WDR7: variants seen among roughly 807,000 people sequenced by gnomAD.
WDR7 encodes WD repeat domain 7.
A neutral mutation model predicts 169.4 loss-of-function variants in WDR7; 46 were observed. The observed-to-expected ratio is 0.27, with a 90% CI of 0.21 to 0.35. WDR7 has a LOEUF of 0.35. Ranked by LOEUF, WDR7 falls within the 10% of genes least tolerant of loss-of-function variation. The pLI, the probability that WDR7 is intolerant of heterozygous loss-of-function variation, is 1.00. For synonymous variants in WDR7, 612 were observed against 666.8 expected, an observed-to-expected ratio of 0.92 and a Z score of 1.27; for missense variants, 1,534 against 1,859.3, an observed-to-expected ratio of 0.83 and a Z score of 3.22.
chr18:56,760,226 T>C (rs1352269366), intron 16 of WDR7, among the ~76,000 whole-genome samples: 1 of 152,194 alleles, frequency 6.6e-6, no homozygotes, highest in African/African-American at 2.4e-5. Context: ...CTTGTAACTA[T>C]GTCCTTGGCA....
intron 26 of WDR7, among the ~76,000 whole-genome samples, chr18:57,005,188 TA>T (rs1019108542): frequency 6.6e-6 from 1 of 152,186 alleles, no homozygotes; most frequent in African/African-American, 2.4e-5. Context: ...TATCATATTA[TA>T]AAAAACTGTT....
rs535666961 is a variant in WDR7, at chr18:56,881,035, T to G, written c.3526+870T>G. On this transcript the variant is annotated intron_variant, in intron 21 of 27. Coordinates refer to ENST00000254442, the MANE Select transcript of WDR7 (RefSeq NM_015285.3). ...ATAGATCCTTTTGCTTTTTTGGCCTTTAAGCAAGAGAAAAAGATGCATGTT... is the reference window on the plus strand; with the variant it reads ...ATAGATCCTTTTGCTTTTTTGGCCTGTAAGCAAGAGAAAAAGATGCATGTT... Among the ~76,000 whole-genome samples, 9 of 152,322 alleles carry G rather than the reference T, an allele frequency of 5.9e-5. No homozygotes were observed. The South Asian group carries it at 1.9e-3, about 32-fold the overall frequency.
intron 5 of WDR7, among the ~76,000 whole-genome samples, chr18:56,683,643 G>A (rs544333514): frequency 1.1e-4 from 16 of 152,288 alleles, no homozygotes; most frequent in Admixed American, 3.3e-4. Flanking sequence ...ACAATACTTA[G>A]TGGGGTAGGT....
chr18:56,817,495 A>T lies in WDR7; in HGVS notation c.3304+1351A>T, dbSNP rs147492904. Among the ~76,000 whole-genome samples, 687 of 152,250 alleles carry T rather than the reference A, an allele frequency of 4.5e-3. 12 individuals are homozygous for T. The highest frequency in any genetic ancestry group is 0.016 in the African/African-American group (657 of 41,560). On this transcript the variant is annotated intron_variant, in intron 20 of 27. Transcript: ENST00000254442. ...AATTTACAAAGTGTATATTTAAAAT[A>T]CCTATAGCCTTGTGCCACTGCTGCC...
chr18:56,734,964 G>A (rs2026667993), intron 14 of WDR7, among the ~76,000 whole-genome samples: 1 of 152,154 alleles, frequency 6.6e-6, no homozygotes, highest in Admixed American at 6.6e-5. Context: ...GTGTCAATTA[G>A]AATTGTGTCA....
intron 14 of WDR7, among the ~76,000 whole-genome samples, chr18:56,732,028 G>T (rs1169566349): frequency 6.6e-6 from 1 of 152,182 alleles, no homozygotes; most frequent in Admixed American, 6.5e-5. Context: ...AAGGTTAAGC[G>T]ATTGTAAAGA....
At chr18:56,875,052 A>AT (rs879748614) in intron 20 of WDR7, among the ~76,000 whole-genome samples, 5 of 152,112 alleles carry the variant, frequency 3.3e-5, no homozygotes, top group African/African-American at 4.8e-5. Context: ...CAACATCCAG[A>AT]TTTTTTTGTG....
At chr18:56,655,834 C>G (rs1278106227) in intron 1 of WDR7, among the ~76,000 whole-genome samples, 1 of 152,040 alleles carries the variant, frequency 6.6e-6, no homozygotes, top group Non-Finnish European at 1.5e-5. Flanking sequence ...GAGATTCATC[C>G]AAATTGTTGA....
intron 20 of WDR7, among the ~76,000 whole-genome samples, chr18:56,860,169 G>T (rs1321111970): frequency 6.6e-6 from 1 of 152,060 alleles, no homozygotes; most frequent in African/African-American, 2.4e-5. Context: ...AGAATGATGG[G>T]CCCATGCTTT....
At chr18:56,826,468 G>A (rs914908915) in intron 20 of WDR7, among the ~76,000 whole-genome samples, 4 of 152,072 alleles carry the variant, frequency 2.6e-5, no homozygotes, top group African/African-American at 9.7e-5. Context: ...TATCATCTGT[G>A]ACTTTCCCCA....
intron 20 of WDR7, among the ~76,000 whole-genome samples, chr18:56,842,272 A>G (rs1018329094): frequency 1.3e-5 from 2 of 150,564 alleles, no homozygotes; most frequent in East Asian, 2.0e-4. Context: ...CCTTCTTGCT[A>G]CATCATTCCT....
chr18:56,799,801 G>C (rs1428124656), intron 19 of WDR7, among the ~76,000 whole-genome samples: 1 of 150,836 alleles, frequency 6.6e-6, no homozygotes, highest in Non-Finnish European at 1.5e-5. Context: ...ATGACACCAA[G>C]TGGATAGGGA....
chr18:56,926,287 A>G (rs1233744160), intron 22 of WDR7, among the ~76,000 whole-genome samples: 1 of 152,166 alleles, frequency 6.6e-6, no homozygotes, highest in Non-Finnish European at 1.5e-5. Flanking sequence ...CCTTGGCTGC[A>G]GCTGCCATGT....
At chr18:56,884,515 C>T (rs1457650051) in intron 21 of WDR7, among the ~76,000 whole-genome samples, 1 of 152,110 alleles carries the variant, frequency 6.6e-6, no homozygotes, top group Non-Finnish European at 1.5e-5. Context: ...AATTAACTCC[C>T]ATCTATTTAT....
intron 14 of WDR7, among the ~76,000 whole-genome samples, chr18:56,744,895 C>T (rs879888455): frequency 7.2e-4 from 110 of 152,114 alleles, no homozygotes; most frequent in Non-Finnish European, 1.2e-3. Context: ...TTTAAGGTTT[C>T]TCAGGTAAGG....
At chr18:56,826,073 G>C (rs1189350453) in intron 20 of WDR7, among the ~76,000 whole-genome samples, 1 of 152,216 alleles carries the variant, frequency 6.6e-6, no homozygotes, top group African/African-American at 2.4e-5. Flanking sequence ...GGGCAGGTGG[G>C]TGGTAGAGGG....
chr18:56,881,818 A>G (rs2145486630), intron 21 of WDR7, among the ~76,000 whole-genome samples: 1 of 152,074 alleles, frequency 6.6e-6, no homozygotes, highest in African/African-American at 2.4e-5. Context: ...ACTCCTGACC[A>G]GAAAGGATCC....
chr18:56,997,030 G>A (rs973962292), intron 26 of WDR7, among the ~76,000 whole-genome samples: 1 of 152,114 alleles, frequency 6.6e-6, no homozygotes, highest in African/African-American at 2.4e-5. Context: ...ACCAGAAACA[G>A]TATCATATGA....
At chr18:56,653,765 T>A (rs2024707696) in intron 1 of WDR7, among the ~76,000 whole-genome samples, 1 of 152,238 alleles carries the variant, frequency 6.6e-6, no homozygotes, top group Non-Finnish European at 1.5e-5. Flanking sequence ...CTACTACAGT[T>A]TATCTGTCTG....
Sources: gnomAD v4.1 joint callset for allele counts (sites outside exome capture counted in the v4.1 genomes callset) on GRCh38, gnomAD v4.1.1 for gene constraint, MANE v1.5 for transcripts, NCBI Gene and HGNC (gene_info 2026-07-23, HGNC 2026-07-21) for gene names.